DRC8: variants seen among roughly 807,000 people sequenced by gnomAD.
The protein encoded by DRC8 is dynein regulatory complex protein 8.
At chr1:245,015,029 A>G in the DRC8 span, among the ~76,000 whole-genome samples, 2 of 152,330 alleles carry the variant, frequency 1.3e-5, no homozygotes, top group Admixed American at 1.3e-4. Context: ...GGGTGGTATT[A>G]TATTTCTAAT....
chr1:245,124,880 GCCCCAAA>G, the DRC8 span: 1 of 152,126 alleles, frequency 6.6e-6, no homozygotes, highest in African/African-American at 2.4e-5. Flanking sequence ...AAAAACCCCA[GCCCCAAA>G]CTCCTCAGGG....
At chr1:245,112,939 G>A in the DRC8 span, among the ~76,000 whole-genome samples, 1 of 152,068 alleles carries the variant, frequency 6.6e-6, no homozygotes, top group Non-Finnish European at 1.5e-5. Context: ...TTTTGGTAGA[G>A]ACAGTGGTTT....
At chr1:245,047,368 C>G in the DRC8 span, among the ~76,000 whole-genome samples, 1 of 152,188 alleles carries the variant, frequency 6.6e-6, no homozygotes, top group Non-Finnish European at 1.5e-5. Context: ...GGCGCAGTGG[C>G]TCACGCCTGT....
chr1:245,068,576 G>T, the DRC8 span, among the ~76,000 whole-genome samples: 247 of 151,704 alleles, frequency 1.6e-3, 2 homozygotes, highest in African/African-American at 5.7e-3. Context: ...CAAATAGCTG[G>T]TACTACAGGT....
the DRC8 span, among the ~76,000 whole-genome samples, chr1:245,104,503 T>TAA: frequency 0.022 from 2,616 of 117,726 alleles, 87 homozygotes; most frequent in African/African-American, 0.07. Flanking sequence ...GACTCTGTCA[T>TAA]AAAAAAAAAA....
At chr1:245,004,380 G>A in the DRC8 span, among the ~76,000 whole-genome samples, 7 of 151,280 alleles carry the variant, frequency 4.6e-5, no homozygotes, top group African/African-American at 4.9e-5. Flanking sequence ...GTAACAAATA[G>A]CCTGACTCTC....
chr1:245,073,669 G>A, the DRC8 span, among the ~76,000 whole-genome samples: 1 of 151,910 alleles, frequency 6.6e-6, no homozygotes. Flanking sequence ...AAAAAAAGAC[G>A]CTAGAATTCT....
chr1:245,044,711 C>T, the DRC8 span, among the ~76,000 whole-genome samples: 5,259 of 151,964 alleles, frequency 0.035, 323 homozygotes, highest in African/African-American at 0.12. Context: ...GGATTACAGG[C>T]GCCTGCCACC....
At chr1:244,974,113 T>G in the DRC8 span, among the ~76,000 whole-genome samples, 2 of 152,232 alleles carry the variant, frequency 1.3e-5, no homozygotes, top group Non-Finnish European at 2.9e-5. Context: ...TTTATTATTT[T>G]TCCAAAGTTT....
the DRC8 span, among the ~76,000 whole-genome samples, chr1:245,062,680 T>C: frequency 7.9e-5 from 12 of 152,340 alleles, no homozygotes; most frequent in African/African-American, 2.9e-4. Context: ...GCACGGATTA[T>C]GACTTTTTAT....
chr1:245,080,787 T>C, the DRC8 span, among the ~76,000 whole-genome samples: 1 of 152,150 alleles, frequency 6.6e-6, no homozygotes, highest in Non-Finnish European at 1.5e-5. Context: ...AAAACATGCA[T>C]CTATGAGACC....
chr1:245,003,468 T>C, the DRC8 span, among the ~76,000 whole-genome samples: 1 of 152,234 alleles, frequency 6.6e-6, no homozygotes, highest in Non-Finnish European at 1.5e-5. Context: ...AGCTAGTACA[T>C]GGTAAAGCCA....
the DRC8 span, among the ~76,000 whole-genome samples, chr1:244,992,901 A>C: frequency 1.3e-5 from 2 of 152,220 alleles, no homozygotes; most frequent in Non-Finnish European, 2.9e-5. Context: ...TTACTGGGTG[A>C]TTGTGCCTAA....
chr1:245,018,328 T>C, the DRC8 span, among the ~76,000 whole-genome samples: 1 of 151,448 alleles, frequency 6.6e-6, no homozygotes, highest in East Asian at 1.9e-4. Context: ...CAGAACCTAG[T>C]AGAGAGGCCA....
the DRC8 span, among the ~76,000 whole-genome samples, chr1:245,008,814 A>G: frequency 1.3e-5 from 2 of 151,554 alleles, no homozygotes; most frequent in Non-Finnish European, 2.9e-5. Context: ...GACTATAAGC[A>G]TGTGCCACCA....
chr1:245,079,932 GA>G, the DRC8 span, among the ~76,000 whole-genome samples: 534 of 152,296 alleles, frequency 3.5e-3, 1 homozygote, highest in African/African-American at 0.012. Flanking sequence ...GCTCGCCTTG[GA>G]CTTAGAGGCA....
chr1:245,064,918 G>A, the DRC8 span, among the ~76,000 whole-genome samples: 1 of 151,916 alleles, frequency 6.6e-6, no homozygotes, highest in African/African-American at 2.4e-5. Flanking sequence ...CATATCTAAT[G>A]TGTTAGGTAC....
chr1:244,988,091 C>A, the DRC8 span, among the ~76,000 whole-genome samples: 2 of 152,098 alleles, frequency 1.3e-5, no homozygotes, highest in African/African-American at 4.8e-5. Flanking sequence ...TTAGTCTTTG[C>A]AGCATTTCCA....
chr1:245,083,755 C>T, the DRC8 span: 113 of 1,534,928 alleles, frequency 7.4e-5, no homozygotes, highest in South Asian at 1.2e-4. Context: ...AACAGTTATG[C>T]GAAAGTTATA....
Sources: allele counts gnomAD v4.1 joint callset (sites outside exome capture counted in the v4.1 genomes callset), GRCh38; gene constraint gnomAD v4.1.1; transcripts MANE v1.5; gene names NCBI Gene and HGNC (gene_info 2026-07-23, HGNC 2026-07-21).